The following BLOC1S5 variants were observed in gnomAD, a reference collection of about 807,000 sequenced individuals.
BLOC1S5 encodes the protein biogenesis of lysosomal organelles complex 1 subunit 5, also known as biogenesis of lysosome-related organelles complex 1 subunit 5.
Under a neutral mutation model 24.3 loss-of-function variants are expected in BLOC1S5, and 27 were observed. The observed-to-expected ratio is 1.11, with a 90% CI of 0.82 to 1.53. BLOC1S5 has a LOEUF of 1.53. BLOC1S5 is among the 40% of genes most tolerant of loss of function. The pLI is 0.00. For synonymous variants in BLOC1S5, 84 were observed against 74.5 expected (o/e 1.13, Z -0.66); for missense variants, 239 against 229.4 (o/e 1.04, Z -0.27).
chr6:8,018,012 A>T (rs188162786), intron 4 of BLOC1S5: 76 of 152,372 alleles, frequency 5.0e-4, no homozygotes, highest in African/African-American at 1.8e-3. Flanking sequence ...CTTCTTTCCA[A>T]TTGAAAATTC....
chr6:8,039,758 T>C (rs1290315906), intron 3 of BLOC1S5, among the ~76,000 whole-genome samples: 2 of 152,192 alleles, frequency 1.3e-5, no homozygotes, highest in Non-Finnish European at 2.9e-5. Flanking sequence ...TCTAGGTGCC[T>C]GAGATACCAC....
In BLOC1S5 at chr6:8,018,919, A is replaced by T. The variant is rs1027766825; in HGVS notation, c.385-3091T>A. On this transcript the variant is annotated intron_variant, in intron 4 of 4. Coordinates refer to ENST00000397457, the MANE Select transcript of BLOC1S5 (RefSeq NM_201280.3). ...TCAAGAGCAAGAGACTTTCCCCTCC[A>T]TTCCTAGATTCAATTTAATCCTGGA... 3.9e-5 allele frequency among the ~76,000 whole-genome samples: 6 copies of T among 152,358 alleles called. No homozygotes were observed. In the East Asian group the frequency reaches 1.2e-3, roughly 29 times the overall value.
chr6:8,023,651 T>A (rs11754083), intron 4 of BLOC1S5, among the ~76,000 whole-genome samples: 19,112 of 152,130 alleles, frequency 0.13, 1,505 homozygotes, highest in South Asian at 0.28. Context: ...ACTACTCCCA[T>A]CTTTGTTCTG....
At chr6:8,060,164 T>C (rs1764464471) in intron 2 of BLOC1S5, among the ~76,000 whole-genome samples, 1 of 152,220 alleles carries the variant, frequency 6.6e-6, no homozygotes, top group Admixed American at 6.5e-5. Context: ...ATTAAAGGGC[T>C]GGAGGTGATA....
At chr6:8,053,739 A>T (rs890161906) in intron 2 of BLOC1S5, among the ~76,000 whole-genome samples, 15 of 152,210 alleles carry the variant, frequency 9.9e-5, no homozygotes, top group African/African-American at 3.6e-4. Context: ...CCTTTCTTAA[A>T]CAGAAACGTG....
At chr6:8,050,107 G>A (rs1349913154) in intron 2 of BLOC1S5, among the ~76,000 whole-genome samples, 1 of 152,190 alleles carries the variant, frequency 6.6e-6, no homozygotes, top group East Asian at 1.9e-4. Flanking sequence ...TGGCAACGCT[G>A]TTTCAAGCAA....
At position 8,053,930 on chromosome 6, in the gene BLOC1S5, C is replaced by T. The variant is rs144821232; in HGVS notation, c.195+8604G>A. Among the ~76,000 whole-genome samples, 5 of 83,224 alleles carry T rather than the reference C, an allele frequency of 6.0e-5. No homozygotes were observed. In the South Asian group the frequency reaches 1.8e-3, roughly 31 times the overall value. 54.6% of individuals were successfully genotyped at this position (83,224 alleles called of 152,430 possible). ...TAACACAGATCAAGGACCCTTAACT[C>T]GAAAATCCAAAATCTGAAATGCTCC... is the stretch of plus-strand genomic sequence containing the variant. On this transcript the variant is annotated intron_variant, in intron 2 of 4. Transcript: ENST00000397457.
chr6:8,015,829 C>G lies in BLOC1S5; in HGVS notation c.385-1G>C. 6.3e-7 allele frequency: 1 copy of G among 1,594,170 alleles called. No homozygotes were observed. The highest frequency in any genetic ancestry group is 8.5e-7 in the Non-Finnish European group (1 of 1,173,208). ...TAGCTACTAAGTGGTCACTATGAAT[C>G]TGAGAAAAGAAAATTAGAAAGTCAC... On this transcript the variant is annotated splice_acceptor_variant, in intron 4 of 4. Coordinates refer to ENST00000397457, the MANE Select transcript of BLOC1S5 (RefSeq NM_201280.3). LOFTEE classifies it high-confidence loss of function.
At chr6:8,029,320 T>C (rs947660419) in intron 3 of BLOC1S5, among the ~76,000 whole-genome samples, 15 of 152,106 alleles carry the variant, frequency 9.9e-5, no homozygotes, top group Admixed American at 1.3e-4. Context: ...AGGAACAGAA[T>C]TGGACTTCCA....
intron 4 of BLOC1S5, among the ~76,000 whole-genome samples, chr6:8,021,511 A>C (rs563108809): frequency 2.7e-4 from 41 of 152,248 alleles, no homozygotes; most frequent in African/African-American, 9.9e-4. Context: ...AGGTGGGAGA[A>C]TCCCTTGAAC....
chr6:8,019,099 G>A (rs2113510600), intron 4 of BLOC1S5, among the ~76,000 whole-genome samples: 1 of 152,322 alleles, frequency 6.6e-6, no homozygotes, highest in East Asian at 1.9e-4. Context: ...GTTCACATCA[G>A]GCATATCGCT....
chr6:8,054,977 T>C, intron 2 of BLOC1S5, among the ~76,000 whole-genome samples: 1 of 152,368 alleles, frequency 6.6e-6, no homozygotes, highest in Non-Finnish European at 1.5e-5. Flanking sequence ...TTAGTTTTCA[T>C]TTATGAAATA....
intron 2 of BLOC1S5, among the ~76,000 whole-genome samples, chr6:8,061,066 G>C (rs1764493918): frequency 6.6e-6 from 1 of 152,176 alleles, no homozygotes; most frequent in African/African-American, 2.4e-5. Context: ...GACCTCAAGT[G>C]ATCTGCCCAC....
At chr6:8,050,349 T>C (rs751952985) in intron 2 of BLOC1S5, among the ~76,000 whole-genome samples, 3 of 152,162 alleles carry the variant, frequency 2.0e-5, no homozygotes, top group Non-Finnish European at 2.9e-5. Context: ...CATTGCTCAC[T>C]GACTGGCCAT....
intron 3 of BLOC1S5, among the ~76,000 whole-genome samples, chr6:8,029,031 T>C (rs1310377332): frequency 1.3e-5 from 2 of 152,174 alleles, no homozygotes; most frequent in East Asian, 3.8e-4. Context: ...TCAAGTAGAT[T>C]TGTGCCGCAT....
At chr6:8,058,390 A>AAT (rs1355930758) in intron 2 of BLOC1S5, among the ~76,000 whole-genome samples, 2 of 136,580 alleles carry the variant, frequency 1.5e-5, no homozygotes, top group African/African-American at 5.9e-5. Flanking sequence ...AAAAAAAAAA[A>AAT]ATAGCCGGCC....
At chr6:8,053,231 G>T (rs1355585849) in intron 2 of BLOC1S5, among the ~76,000 whole-genome samples, 1 of 152,304 alleles carries the variant, frequency 6.6e-6, no homozygotes, top group East Asian at 1.9e-4. Flanking sequence ...CAGCAGCAGG[G>T]TTTGAGAAGA....
intron 2 of BLOC1S5, among the ~76,000 whole-genome samples, chr6:8,047,120 C>T (rs552099093): frequency 6.2e-5 from 9 of 144,780 alleles, no homozygotes; most frequent in Non-Finnish European, 1.2e-4. Context: ...AAGAGACTTG[C>T]CTTAAACAAA....
chr6:8,015,504 A>C lies in BLOC1S5; in HGVS notation c.*145T>G, dbSNP rs563169891. On this transcript the variant is annotated 3_prime_UTR_variant, in exon 5 of 5. Coordinates refer to ENST00000397457, the MANE Select transcript of BLOC1S5 (RefSeq NM_201280.3). ...TCTTTAAATATCCAATCAGAATGCC[A>C]GTAGAAACTTCTTTCTTCTGATATA... is the stretch of plus-strand genomic sequence containing the variant. The C allele has an allele frequency of 1.2e-4, 89 of 760,792 alleles. No individual in the cohort carries two copies. The East Asian group carries it at 2.0e-3, about 17-fold the overall frequency. The allele number at this position is 760,792 out of a possible 1,614,324, so 47.1% of individuals were successfully genotyped here.
Sources: gnomAD v4.1 joint callset for allele counts (sites outside exome capture counted in the v4.1 genomes callset) on GRCh38, gnomAD v4.1.1 for gene constraint, MANE v1.5 for transcripts, NCBI Gene and HGNC (gene_info 2026-07-23, HGNC 2026-07-21) for gene names.